Variants in ELF2 observed in about 807,000 individuals in gnomAD.
The protein encoded by ELF2 is ETS-related transcription factor Elf-2.
ELF2 carries 11 observed loss-of-function variants against 54.8 expected under a neutral mutation model. The ratio of observed to expected loss-of-function variants is 0.20; its 90% CI spans 0.13 to 0.33. The LOEUF (loss-of-function observed/expected upper bound fraction) is 0.33. ELF2 is among the 10% of genes least tolerant of loss of function. The pLI is 1.00. For missense variants in ELF2, 513 were observed against 703.0 expected, an observed-to-expected ratio of 0.73 and a Z score of 3.06; for synonymous variants, 203 against 245.1, an observed-to-expected ratio of 0.83 and a Z score of 1.61.
At chr4:139,115,282 C>G in intron 4 of ELF2, 1 of 1,599,392 alleles carries the variant, frequency 6.3e-7, no homozygotes, top group Non-Finnish European at 8.5e-7. Flanking sequence ...GGGGGGGGCT[C>G]TGAAAGTAGA....
chr4:139,083,338 T>C (rs769887439), intron 4 of ELF2, among the ~76,000 whole-genome samples: 2 of 152,068 alleles, frequency 1.3e-5, no homozygotes, highest in Non-Finnish European at 2.9e-5. Context: ...GGTACAAATA[T>C]ATTCCGTGTT....
intron 3 of ELF2, among the ~76,000 whole-genome samples, chr4:139,134,528 T>A (rs966824544): frequency 5.0e-4 from 70 of 139,234 alleles, no homozygotes; most frequent in African/African-American, 2.0e-3. Flanking sequence ...GGCTAGTATT[T>A]ATTGTATTGT....
chr4:139,082,732 C>T (rs1357518315), intron 4 of ELF2, among the ~76,000 whole-genome samples: 1 of 152,168 alleles, frequency 6.6e-6, no homozygotes, highest in African/African-American at 2.4e-5. Context: ...AATTACTGTT[C>T]CCTGAGTATT....
intron 1 of ELF2, chr4:139,155,190 A>C (rs1170487820): frequency 1.3e-5 from 2 of 152,308 alleles, no homozygotes; most frequent in African/African-American, 4.8e-5. Flanking sequence ...TACTACAGAT[A>C]CTGAGGCAGG....
intron 1 of ELF2, among the ~76,000 whole-genome samples, chr4:139,167,404 C>T (rs1332313614): frequency 6.6e-6 from 1 of 152,132 alleles, no homozygotes; most frequent in Non-Finnish European, 1.5e-5. Context: ...GTTTATAAAT[C>T]TGAGATTTCT....
chr4:139,158,248 C>T (rs1740748931), intron 1 of ELF2, among the ~76,000 whole-genome samples: 1 of 152,100 alleles, frequency 6.6e-6, no homozygotes, highest in Admixed American at 6.6e-5. Context: ...GTAATGTCAT[C>T]GATTAAGGCA....
At chr4:139,164,933 T>C in intron 1 of ELF2, among the ~76,000 whole-genome samples, 1 of 152,296 alleles carries the variant, frequency 6.6e-6, no homozygotes. Flanking sequence ...TTCTCTATAA[T>C]ATGGTGTACG....
chr4:139,139,352 A>C lies in ELF2; in HGVS notation c.-167+61T>G, dbSNP rs1458888124. ...TAAAATTCCACAGTCCCATCATACT[A>C]TCACCATATAAGGTACTATTCCCAA... On this transcript the variant is annotated intron_variant, in intron 2 of 9. Coordinates refer to ENST00000686138, the MANE Select transcript of ELF2 (RefSeq NM_001331036.3). 3 of 838,694 alleles carry C rather than the reference A, an allele frequency of 3.6e-6. No homozygotes were observed. The Admixed American group carries it at 1.3e-4, about 37-fold the overall frequency. The allele number at this position is 838,694 out of a possible 1,614,324, so 52.0% of individuals were successfully genotyped here.
At chr4:139,160,472 T>A (rs1741020176) in intron 1 of ELF2, among the ~76,000 whole-genome samples, 2 of 152,120 alleles carry the variant, frequency 1.3e-5, no homozygotes, top group South Asian at 4.1e-4. Flanking sequence ...GACCTAAAGA[T>A]CAGTCGATGG....
intron 4 of ELF2, chr4:139,084,256 G>C: frequency 6.2e-7 from 1 of 1,607,566 alleles, no homozygotes. Context: ...CGGCAGGGGA[G>C]GAGGCGGAAC....
chr4:139,136,096 C>G (rs1345135521), intron 3 of ELF2, among the ~76,000 whole-genome samples: 3 of 152,030 alleles, frequency 2.0e-5, no homozygotes, highest in Non-Finnish European at 4.4e-5. Context: ...GAGGAAAAAG[C>G]AGTATTTGGT....
At chr4:139,124,424 T>C (rs566793206) in intron 4 of ELF2, among the ~76,000 whole-genome samples, 13 of 152,308 alleles carry the variant, frequency 8.5e-5, no homozygotes, top group African/African-American at 3.1e-4. Context: ...TATAAAAATG[T>C]ATCAAAATAG....
At chr4:139,092,002 T>C (rs1205325763) in intron 4 of ELF2, among the ~76,000 whole-genome samples, 4 of 149,200 alleles carry the variant, frequency 2.7e-5, no homozygotes, top group South Asian at 2.1e-4. Context: ...ACTATATATA[T>C]ACATATATAT....
chr4:139,069,010 C>T lies in ELF2; in HGVS notation c.527-1240G>A, dbSNP rs1183300940. On this transcript the variant is annotated intron_variant, in intron 6 of 9. Transcript: ENST00000686138. Reference sequence around the variant, plus strand: ...TCAGCCCCCTAAGTAGCTGGGACTACAGGTGTGCACCACCACGTCCAGCTA... The same window carrying T: ...TCAGCCCCCTAAGTAGCTGGGACTATAGGTGTGCACCACCACGTCCAGCTA... Among the ~76,000 whole-genome samples the T allele has an allele frequency of 2.0e-5, 3 of 152,124 alleles. No homozygotes were observed. In the East Asian group the frequency reaches 5.8e-4, roughly 29 times the overall value.
chr4:139,173,431 A>C (rs1742537991), intron 1 of ELF2, among the ~76,000 whole-genome samples: 1 of 152,174 alleles, frequency 6.6e-6, no homozygotes, highest in Admixed American at 6.5e-5. Context: ...AAAATGTAAT[A>C]TGTCCATAAA....
intron 3 of ELF2, chr4:139,137,396 T>C (rs1474286001): frequency 3.5e-6 from 2 of 572,758 alleles, no homozygotes; most frequent in African/African-American, 3.7e-5. Context: ...TTCCATTCCT[T>C]TCCTCCCTCC....
At chr4:139,127,964 C>CAAA (rs1174310299) in intron 3 of ELF2, among the ~76,000 whole-genome samples, 2 of 76,832 alleles carry the variant, frequency 2.6e-5, no homozygotes, top group African/African-American at 8.6e-5. Context: ...GACTCGGTCT[C>CAAA]AAAAAAAAAA....
At chr4:139,159,705 G>A (rs1200588854) in intron 1 of ELF2, among the ~76,000 whole-genome samples, 6 of 152,114 alleles carry the variant, frequency 3.9e-5, no homozygotes, top group Non-Finnish European at 8.8e-5. Context: ...CCTTATCAGC[G>A]TAAGCCTTGA....
At chr4:139,096,501 G>T (rs1329801816) in intron 4 of ELF2, among the ~76,000 whole-genome samples, 1 of 151,962 alleles carries the variant, frequency 6.6e-6, no homozygotes, top group African/African-American at 2.4e-5. Context: ...CTCTCACTCT[G>T]CCTAGGCTCT....
Sources: allele counts gnomAD v4.1 joint callset (sites outside exome capture counted in the v4.1 genomes callset), GRCh38; gene constraint gnomAD v4.1.1; transcripts MANE v1.5; gene names NCBI Gene and HGNC (gene_info 2026-07-23, HGNC 2026-07-21).